The following ZNF791 variants were observed in gnomAD, a reference collection of about 807,000 sequenced individuals.
The protein encoded by ZNF791 is zinc finger protein 791.
In ZNF791, 4 loss-of-function variants were observed where a neutral mutation model predicts 11.5. That is an observed-to-expected ratio of 0.35 (90% CI 0.17 to 0.80). The LOEUF is 0.80. ZNF791 is among the 30% of genes least tolerant of loss of function. The pLI, the probability that ZNF791 is intolerant of heterozygous loss-of-function variation, is 0.53. For synonymous variants in ZNF791, 212 were observed against 228.1 expected, an observed-to-expected ratio of 0.93 and a Z score of 0.64; for missense variants, 559 against 699.4, an observed-to-expected ratio of 0.80 and a Z score of 2.26.
At chr19:12,626,521 T>C (rs1376831148) in intron 3 of ZNF791, among the ~76,000 whole-genome samples, 1 of 152,030 alleles carries the variant, frequency 6.6e-6, no homozygotes, top group East Asian at 1.9e-4. Context: ...TGACCCCAAT[T>C]GATCCACCCA....
In ZNF791 at chr19:12,620,754, C is replaced by CTTTTTTT. The variant is rs1051381342; in HGVS notation, c.4-2928_4-2922dup. ...AAACTGGAGAAAGGGGATTTATGTT[C>CTTTTTTT]TTTTTTTTTTTTTTTTTTTTTTTTG... On this transcript the variant is annotated intron_variant, in intron 1 of 3. Transcript: ENST00000343325. 7.3e-4 allele frequency among the ~76,000 whole-genome samples: 61 copies of CTTTTTTT among 83,450 alleles called. 3 individuals are homozygous for CTTTTTTT. Among genetic ancestry groups the CTTTTTTT allele is most frequent in the African/African-American group, 2.3e-3 (43 of 18,668 alleles). The allele number at this position is 83,450 out of a possible 152,430, so 54.7% of individuals were successfully genotyped here.
Position 12,628,351 on chromosome 19 carries a change from C to G in ZNF791, c.822C>G (p.Cys274Trp), listed in dbSNP as rs2023457969. The G allele has an allele frequency of 6.2e-7, 1 of 1,608,718 alleles. No individual in the cohort carries two copies. Among genetic ancestry groups the G allele is most frequent in the South Asian group, 1.1e-5 (1 of 90,386 alleles). The change falls in exon 4 of 4, where the codon TGC becomes TGG. Residue 274 changes from cysteine to tryptophan, a missense_variant. Coordinates refer to ENST00000343325, the MANE Select transcript of ZNF791 (RefSeq NM_153358.3). Reference protein sequence around the residue: ...ITHNGDRPYKCKECGKAFIFP... With the variant: ...ITHNGDRPYKWKECGKAFIFP... ...ACAACGGAGATAGACCTTATAAATG[C>G]AAAGAATGTGGAAAGGCATTCATTT...
At chr19:12,621,423 G>A (rs570236943) in intron 1 of ZNF791, among the ~76,000 whole-genome samples, 1 of 151,944 alleles carries the variant, frequency 6.6e-6, no homozygotes, top group South Asian at 2.1e-4. Flanking sequence ...GAAAAACTGG[G>A]TCTATGATAG....
At position 12,628,125 on chromosome 19, in the gene ZNF791, G is replaced by A; in HGVS notation, c.596G>A (p.Cys199Tyr). ...AAGCAATGTGGAAAAGCTCTTAGTT[G>A]TTCCAGTTCGCTTCGAGTTCATGAA... is the stretch of plus-strand genomic sequence containing the variant. ...ECKQCGKALS[C>Y]SSSLRVHERI... Residue 199 changes from cysteine to tyrosine, a missense_variant, in exon 4 of 4, where the codon TGT becomes TAT. Transcript: ENST00000343325. 6.2e-7 allele frequency: 1 copy of A among 1,614,058 alleles called. No individual in the cohort carries two copies. The highest frequency in any genetic ancestry group is 1.1e-5 in the South Asian group (1 of 91,072).
At chr19:12,614,302 C>T (rs1177260526) in intron 1 of ZNF791, among the ~76,000 whole-genome samples, 2 of 152,026 alleles carry the variant, frequency 1.3e-5, no homozygotes, top group Admixed American at 6.6e-5. Flanking sequence ...GGCACGATCT[C>T]GGCTCACTGC....
chr19:12,624,893 C>CA (rs1053315112), intron 3 of ZNF791, among the ~76,000 whole-genome samples, 183 bp downstream of exon 3: 3 of 151,520 alleles, frequency 2.0e-5, no homozygotes, highest in African/African-American at 4.8e-5. Flanking sequence ...ACTAAAAATA[C>CA]AAAAAAAGTT....
chr19:12,617,567 A>G (rs999461702), intron 1 of ZNF791, among the ~76,000 whole-genome samples: 1 of 152,142 alleles, frequency 6.6e-6, no homozygotes, highest in Non-Finnish European at 1.5e-5. Context: ...CATATTTTAT[A>G]TAATGTATAT....
At chr19:12,622,336 C>G (rs959717170) in intron 1 of ZNF791, among the ~76,000 whole-genome samples, 1 of 115,456 alleles carries the variant, frequency 8.7e-6, no homozygotes, top group African/African-American at 3.3e-5. Context: ...GAGAAACACC[C>G]AAGAATTATC....
chr19:12,623,840 C>G lies in ZNF791; in HGVS notation c.130+14C>G. On this transcript the variant is annotated intron_variant, in intron 2 of 3. Transcript: ENST00000343325. ...TGGCATCTATAGGTAAGGATGACAT[C>G]ATTTTTTCTTTTTTCTTTTTTTTTT... is the stretch of plus-strand genomic sequence containing the variant. 1 of 1,031,670 alleles carries G rather than the reference C, an allele frequency of 9.7e-7. No individual in the cohort carries two copies. The highest frequency in any genetic ancestry group is 1.5e-5 in the South Asian group (1 of 67,556). 63.9% of individuals were successfully genotyped at this position (1,031,670 alleles called of 1,614,324 possible).
rs2023383423 is a variant in ZNF791 at position 12,623,544 on chromosome 19, A to G, written c.4-156A>G. The G allele has an allele frequency of 3.4e-6, 3 of 872,008 alleles. No individual in the cohort carries two copies. In the South Asian group the frequency reaches 4.9e-5, roughly 14 times the overall value. The allele number at this position is 872,008 out of a possible 1,614,324, so 54.0% of individuals were successfully genotyped here. Reference sequence around the variant, plus strand: ...GTGACCACAGTGAAGATGTAGCTATAAGTTTATGTGTTCAATGTGCTGTTA... The same window carrying G: ...GTGACCACAGTGAAGATGTAGCTATGAGTTTATGTGTTCAATGTGCTGTTA... On this transcript the variant is annotated intron_variant, in intron 1 of 3. Coordinates refer to ENST00000343325, the MANE Select transcript of ZNF791 (RefSeq NM_153358.3).
At chr19:12,623,855 C>CT (rs66469937) in intron 2 of ZNF791, 29 bp downstream of exon 2, 33,817 of 501,130 alleles carry the variant, frequency 0.067, 67 homozygotes, top group African/African-American at 0.12. Context: ...TTTCTTTTTT[C>CT]TTTTTTTTTT....
intron 1 of ZNF791, among the ~76,000 whole-genome samples, chr19:12,613,529 C>T (rs763405071): frequency 3.3e-5 from 5 of 151,948 alleles, no homozygotes; most frequent in African/African-American, 9.7e-5. Flanking sequence ...TGCAGTGAGC[C>T]GAGATCGCGC....
chr19:12,622,418 A>AAC (rs1299900378), intron 1 of ZNF791, among the ~76,000 whole-genome samples: 1 of 145,464 alleles, frequency 6.9e-6, no homozygotes. Flanking sequence ...AAACAAAAAA[A>AAC]AAAAAAAAAA....
rs759147019 is a variant in ZNF791 at position 12,628,049 on chromosome 19, C to T, written c.520C>T (p.Pro174Ser). The T allele has an allele frequency of 1.2e-6, 2 of 1,612,980 alleles. No homozygotes were observed. Among genetic ancestry groups the T allele is most frequent in the Non-Finnish European group, 1.7e-6 (2 of 1,179,570 alleles). Residue 174 changes from proline to serine, a missense_variant, in exon 4 of 4, where the codon CCC (proline) becomes TCC (serine). Coordinates refer to ENST00000343325, the MANE Select transcript of ZNF791 (RefSeq NM_153358.3). ...QCGKTFIYHQPFQRHERTHIG... is the reference protein window; with the variant it reads ...QCGKTFIYHQSFQRHERTHIG... ...TGGAAAAACCTTCATATATCACCAG[C>T]CCTTTCAAAGACATGAGCGGACTCA... is the stretch of plus-strand genomic sequence containing the variant.
chr19:12,615,607 C>T (rs2023235121), intron 1 of ZNF791, among the ~76,000 whole-genome samples: 1 of 152,084 alleles, frequency 6.6e-6, no homozygotes, highest in African/African-American at 2.4e-5. Context: ...GACAAAACCC[C>T]GTCTCTACTA....
chr19:12,611,892 T>C (rs1012347840), intron 1 of ZNF791, among the ~76,000 whole-genome samples: 3 of 152,156 alleles, frequency 2.0e-5, no homozygotes, highest in African/African-American at 7.2e-5. Context: ...ATTTATTCAC[T>C]CGAATGTCAT....
At chr19:12,612,430 A>ATTTG (rs147557734) in intron 1 of ZNF791, 1 of 147,948 alleles carries the variant, frequency 6.8e-6, no homozygotes, top group Middle Eastern at 3.2e-3. Flanking sequence ...TTATTTATTT[A>ATTTG]TTTATTTATT....
chr19:12,629,034 G>A lies in ZNF791; in HGVS notation c.1505G>A (p.Gly502Glu). The change falls in exon 4 of 4, where the codon GGG becomes GAG. Residue 502 changes from glycine to glutamate, a missense_variant. Physicochemically the swap from Gly to Glu is moderately conservative, Grantham distance 98 (BLOSUM62 -2). Transcript: ENST00000343325. ...AAACCTTATGAATGTAAGGAATGCG[G>A]GAAGGCCTTTATTTATCCCACAAGC... ...GEKPYECKEC[G>E]KAFIYPTSFQ... 4 of 1,612,990 alleles carry A rather than the reference G, an allele frequency of 2.5e-6. No homozygotes were observed. The highest frequency in any genetic ancestry group is 3.4e-6 in the Non-Finnish European group (4 of 1,179,680).
chr19:12,616,885 T>A (rs1020596570), intron 1 of ZNF791, among the ~76,000 whole-genome samples: 4 of 152,214 alleles, frequency 2.6e-5, no homozygotes, highest in African/African-American at 9.6e-5. Context: ...AGATTGTGCT[T>A]TTAGTGGTTT....
Sources: allele counts gnomAD v4.1 joint callset (sites outside exome capture counted in the v4.1 genomes callset), GRCh38; gene constraint gnomAD v4.1.1; transcripts MANE v1.5; gene names NCBI Gene and HGNC (gene_info 2026-07-23, HGNC 2026-07-21).